MRPS28: variants seen among roughly 807,000 people sequenced by gnomAD.
The protein encoded by MRPS28 is small ribosomal subunit protein bS1m.
MRPS28 carries 7 observed loss-of-function variants against 10.8 expected under a neutral mutation model. The ratio of observed to expected loss-of-function variants is 0.65; its 90% CI spans 0.37 to 1.22. The LOEUF is 1.22. Among genes scored for constraint, MRPS28 ranks in the 50% most tolerant of loss-of-function variants. MRPS28 has a pLI of 0.02. For missense variants in MRPS28, 265 were observed against 232.9 expected, an observed-to-expected ratio of 1.14 and a Z score of -0.90; for synonymous variants, 121 against 93.3, an observed-to-expected ratio of 1.30 and a Z score of -1.71.
At chr8:79,958,362 C>A in intron 2 of MRPS28, 1 of 698,310 alleles carries the variant, frequency 1.4e-6, no homozygotes, top group South Asian at 1.5e-5. Context: ...TTTCCAAAGT[C>A]AGAGTTGGAA....
chr8:80,016,789 T>C (rs990238327), intron 1 of MRPS28, among the ~76,000 whole-genome samples: 1 of 152,132 alleles, frequency 6.6e-6, no homozygotes, highest in Non-Finnish European at 1.5e-5. Flanking sequence ...TGCCTAAAAA[T>C]AGTCAAAAAC....
intron 2 of MRPS28, among the ~76,000 whole-genome samples, chr8:79,944,859 A>AT (rs1387825457): frequency 2.6e-5 from 4 of 151,672 alleles, no homozygotes; most frequent in South Asian, 4.2e-4. Context: ...ATGCCCAGCT[A>AT]TTTTTTTGTA....
rs184371359 is a variant in MRPS28, at chr8:79,982,711, G to A, written c.395+20288C>T. Among the ~76,000 whole-genome samples the A allele has an allele frequency of 3.7e-4, 57 of 152,308 alleles. No individual in the cohort carries two copies. The East Asian group carries it at 9.7e-3, about 26-fold the overall frequency. On this transcript the variant is annotated intron_variant, in intron 2 of 2. Transcript: ENST00000276585. ...CTGCAAGGCGGCAGCGAGGCTGAGG[G>A]ACGGGCACCCGCCATTGCCCAGGCT...
intron 2 of MRPS28, among the ~76,000 whole-genome samples, chr8:79,940,365 C>T (rs562242763): frequency 7.8e-4 from 119 of 152,208 alleles, no homozygotes; most frequent in African/African-American, 2.7e-3. Context: ...TTTCATAATG[C>T]ATTTGCGAGT....
At chr8:79,986,364 C>A (rs572346929) in intron 2 of MRPS28, among the ~76,000 whole-genome samples, 17 of 152,278 alleles carry the variant, frequency 1.1e-4, no homozygotes, top group African/African-American at 3.1e-4. Context: ...AAAACTGGCA[C>A]AAGGCAGGGA....
At chr8:79,941,788 T>A (rs1260123982) in intron 2 of MRPS28, among the ~76,000 whole-genome samples, 1 of 152,214 alleles carries the variant, frequency 6.6e-6, no homozygotes, top group African/African-American at 2.4e-5. Context: ...CAATAATTTA[T>A]TTAGATCTAA....
intron 2 of MRPS28, among the ~76,000 whole-genome samples, chr8:79,932,760 G>A (rs1312216841): frequency 6.6e-6 from 1 of 152,228 alleles, no homozygotes; most frequent in African/African-American, 2.4e-5. Flanking sequence ...GCAAGAGAGA[G>A]GCTGTGCTGG....
chr8:79,962,872 TC>T (rs1270587799), intron 2 of MRPS28, among the ~76,000 whole-genome samples: 1 of 152,140 alleles, frequency 6.6e-6, no homozygotes. Flanking sequence ...AAATGTTTGC[TC>T]CTTAGATCAC....
At chr8:79,967,370 G>C (rs1048503075) in intron 2 of MRPS28, among the ~76,000 whole-genome samples, 9 of 152,124 alleles carry the variant, frequency 5.9e-5, no homozygotes, top group Admixed American at 2.6e-4. Flanking sequence ...TAAAGCCCCA[G>C]ACATGTTAAG....
chr8:79,936,588 C>T (rs542207120), intron 2 of MRPS28, among the ~76,000 whole-genome samples: 98 of 152,020 alleles, frequency 6.4e-4, no homozygotes, highest in Non-Finnish European at 5.9e-4. Flanking sequence ...TTATAAACAA[C>T]GTAAATATCC....
At chr8:80,009,465 A>G (rs1341944349) in intron 1 of MRPS28, among the ~76,000 whole-genome samples, 5 of 151,992 alleles carry the variant, frequency 3.3e-5, no homozygotes, top group Non-Finnish European at 5.9e-5. Context: ...AAAAATACAA[A>G]ATTAGCCAGG....
At chr8:80,003,645 G>A (rs960542330) in intron 1 of MRPS28, among the ~76,000 whole-genome samples, 2 of 152,176 alleles carry the variant, frequency 1.3e-5, no homozygotes, top group African/African-American at 4.8e-5. Context: ...GTCGGACAGC[G>A]GGTGCAGGGC....
intron 2 of MRPS28, among the ~76,000 whole-genome samples, chr8:80,001,073 C>T (rs867386839): frequency 2.0e-5 from 3 of 152,154 alleles, no homozygotes; most frequent in South Asian, 2.1e-4. Context: ...CTTGACTAAG[C>T]AGTTGAACAT....
intron 2 of MRPS28, 75 bp downstream of exon 2, chr8:80,002,924 T>G: frequency 8.2e-7 from 1 of 1,224,064 alleles, no homozygotes; most frequent in Non-Finnish European, 1.1e-6. Context: ...AAAATCACCT[T>G]TCATTCAACA....
At chr8:80,025,669 T>C (rs1809477746) in intron 1 of MRPS28, among the ~76,000 whole-genome samples, 1 of 152,218 alleles carries the variant, frequency 6.6e-6, no homozygotes, top group African/African-American at 2.4e-5. Context: ...TAAAACATAC[T>C]AAGTGCTTAT....
chr8:79,931,151 A>C (rs568630871), intron 2 of MRPS28, among the ~76,000 whole-genome samples: 1 of 152,340 alleles, frequency 6.6e-6, no homozygotes, highest in South Asian at 2.1e-4. Flanking sequence ...AACAGGGTAG[A>C]ATAGTGACTT....
chr8:79,997,592 G>A (rs189178783), intron 2 of MRPS28, among the ~76,000 whole-genome samples: 12 of 151,238 alleles, frequency 7.9e-5, no homozygotes, highest in African/African-American at 2.7e-4. Flanking sequence ...TCTCCTTTCT[G>A]ATTCAAGCAG....
chr8:80,027,329 A>G (rs941909926), intron 1 of MRPS28, among the ~76,000 whole-genome samples: 32 of 152,332 alleles, frequency 2.1e-4, no homozygotes, highest in African/African-American at 6.0e-4. Context: ...CCACTTTGAG[A>G]TAAGACAGCA....
intron 1 of MRPS28, among the ~76,000 whole-genome samples, chr8:80,006,644 T>C (rs1464414797): frequency 2.0e-5 from 3 of 152,050 alleles, no homozygotes; most frequent in Non-Finnish European, 4.4e-5. Flanking sequence ...TATAAACACC[T>C]CTACGCAAAT....
Sources: gnomAD v4.1 joint callset for allele counts (sites outside exome capture counted in the v4.1 genomes callset) on GRCh38, gnomAD v4.1.1 for gene constraint, MANE v1.5 for transcripts, NCBI Gene and HGNC (gene_info 2026-07-23, HGNC 2026-07-21) for gene names.